Variants in SYN2 observed in about 807,000 individuals in gnomAD.
The protein encoded by SYN2 is synapsin-2.
Under a neutral mutation model 50.9 loss-of-function variants are expected in SYN2, and 19 were observed. That is an observed-to-expected ratio of 0.37 (90% confidence interval 0.26 to 0.55). SYN2 has a LOEUF of 0.55. Among genes scored for constraint, SYN2 ranks in the 20% least tolerant of loss-of-function variants. SYN2 has a pLI of 0.81. For synonymous variants in SYN2, 255 were observed against 224.9 expected, an observed-to-expected ratio of 1.13 and a Z score of -1.20; for missense variants, 587 against 576.4, an observed-to-expected ratio of 1.02 and a Z score of -0.19.
chr3:12,096,691 AGAGT>A (rs1309115165), intron 1 of SYN2, among the ~76,000 whole-genome samples: 10 of 152,136 alleles, frequency 6.6e-5, no homozygotes, highest in African/African-American at 2.4e-4. Flanking sequence ...ATAAGGAGAG[AGAGT>A]GAATGAGAAT....
Position 12,168,359 on chromosome 3 carries a change from C to T in SYN2, c.1056-17C>T. On this transcript the variant is annotated splice_polypyrimidine_tract_variant and intron_variant, in intron 8 of 12. Coordinates refer to ENST00000621198, the MANE Select transcript of SYN2 (RefSeq NM_133625.6). ...GCGAATTGCCCCAGCTTCAGGACAC[C>T]TTCCCATCACCTCCAGGTACAAACT... 6.2e-6 allele frequency: 10 copies of T among 1,609,434 alleles called. No individual in the cohort carries two copies. The highest frequency in any genetic ancestry group is 8.5e-6 in the Non-Finnish European group (10 of 1,177,336).
chr3:12,153,765 A>G lies in SYN2; in HGVS notation c.774+2439A>G, dbSNP rs1318285505. ...GTGAGTAGGGTGTCCTTCTTTTTCC[A>G]TTGCTGCCTTTCAGATTCCTACGTA... On this transcript the variant is annotated intron_variant, in intron 5 of 12. Coordinates refer to ENST00000621198, the MANE Select transcript of SYN2 (RefSeq NM_133625.6). The G allele has an allele frequency of 5.0e-6, 8 of 1,592,822 alleles. No individual in the cohort carries two copies. In the Admixed American group the frequency reaches 1.0e-4, roughly 20 times the overall value.
chr3:12,108,466 A>G (rs1346602663), intron 1 of SYN2, among the ~76,000 whole-genome samples: 9 of 152,202 alleles, frequency 5.9e-5, no homozygotes, highest in African/African-American at 2.2e-4. Flanking sequence ...TTTTTGTAGA[A>G]GGTGGCTGTA....
intron 1 of SYN2, among the ~76,000 whole-genome samples, chr3:12,018,139 G>C (rs1195558480): frequency 1.3e-5 from 2 of 152,186 alleles, no homozygotes; most frequent in Admixed American, 6.5e-5. Context: ...CTAGAACCCA[G>C]ATTTGTGGGT....
chr3:12,053,237 A>T (rs527720183), intron 1 of SYN2, among the ~76,000 whole-genome samples: 1 of 151,624 alleles, frequency 6.6e-6, no homozygotes, highest in Non-Finnish European at 1.5e-5. Flanking sequence ...CCTCACCAAC[A>T]TGGTGAAACC....
chr3:12,173,243 A>T (rs114163828), intron 10 of SYN2, among the ~76,000 whole-genome samples: 205 of 152,314 alleles, frequency 1.3e-3, no homozygotes, highest in Non-Finnish European at 2.2e-3. Flanking sequence ...TACTGGTCAT[A>T]TTCCCACCTC....
At chr3:12,113,470 A>G (rs1332321125) in intron 1 of SYN2, among the ~76,000 whole-genome samples, 1 of 152,190 alleles carries the variant, frequency 6.6e-6, no homozygotes, top group Non-Finnish European at 1.5e-5. Flanking sequence ...TTCACAAAAT[A>G]TAAGATTCAT....
intron 1 of SYN2, among the ~76,000 whole-genome samples, chr3:12,058,652 G>A (rs1473837651): frequency 2.0e-5 from 3 of 152,184 alleles, no homozygotes; most frequent in African/African-American, 7.2e-5. Flanking sequence ...AAGCAGTGCT[G>A]GAACAGGGGG....
chr3:12,133,959 G>C (rs1696840849), intron 1 of SYN2, among the ~76,000 whole-genome samples: 1 of 152,200 alleles, frequency 6.6e-6, no homozygotes, highest in South Asian at 2.1e-4. Context: ...AGAGGGGAAT[G>C]GGCACTTATT....
At chr3:12,008,897 A>G (rs2618385) in intron 1 of SYN2, among the ~76,000 whole-genome samples, 29,451 of 152,150 alleles carry the variant, frequency 0.19, 5,432 homozygotes, top group African/African-American at 0.49. Flanking sequence ...GAGGGGGACA[A>G]CGAAGAGACT....
chr3:12,047,889 T>A (rs1182378860), intron 1 of SYN2, among the ~76,000 whole-genome samples: 2 of 152,248 alleles, frequency 1.3e-5, no homozygotes, highest in Non-Finnish European at 1.5e-5. Context: ...TGTTTTTTGC[T>A]GTAAACCATT....
intron 7 of SYN2, among the ~76,000 whole-genome samples, chr3:12,162,991 A>G (rs1697690367): frequency 6.6e-6 from 1 of 152,208 alleles, no homozygotes; most frequent in African/African-American, 2.4e-5. Flanking sequence ...CTGTAATCCC[A>G]GCACTTTGGG....
intron 1 of SYN2, among the ~76,000 whole-genome samples, chr3:12,074,510 A>G (rs1211510305): frequency 1.3e-5 from 2 of 152,168 alleles, no homozygotes; most frequent in Admixed American, 6.5e-5. Flanking sequence ...TTAAAGTTGC[A>G]GTTGACTTAA....
At chr3:12,145,906 G>T in intron 4 of SYN2, 71 bp downstream of exon 4, 1 of 1,590,228 alleles carries the variant, frequency 6.3e-7, no homozygotes, top group South Asian at 1.1e-5. Context: ...TCCCTAGCAG[G>T]GACTCAAGAT....
At chr3:12,079,276 C>T (rs1266932243) in intron 1 of SYN2, among the ~76,000 whole-genome samples, 9 of 152,076 alleles carry the variant, frequency 5.9e-5, no homozygotes, top group Non-Finnish European at 1.0e-4. Flanking sequence ...CCTCTCTTCC[C>T]GTTTGAATAT....
rs1052939183 is a variant in SYN2, at chr3:12,149,884, G to A, written c.685-1353G>A. 2.0e-5 allele frequency among the ~76,000 whole-genome samples: 3 copies of A among 152,230 alleles called. No homozygotes were observed. The East Asian group carries it at 5.8e-4, about 29-fold the overall frequency. On this transcript the variant is annotated intron_variant, in intron 4 of 12. Coordinates refer to ENST00000621198, the MANE Select transcript of SYN2 (RefSeq NM_133625.6). ...AGTTTGGGAGGAAATATAATAAAGA[G>A]ATATTCTTTATGGTACAAAGTTTGA...
intron 10 of SYN2, 90 bp downstream of exon 10, chr3:12,169,996 C>T: frequency 6.9e-7 from 1 of 1,444,510 alleles, no homozygotes; most frequent in Non-Finnish European, 9.2e-7. Flanking sequence ...GGAGTACAGG[C>T]CAGATGCCCA....
chr3:12,065,179 A>G (rs576547659), intron 1 of SYN2, among the ~76,000 whole-genome samples: 2 of 152,190 alleles, frequency 1.3e-5, no homozygotes, highest in East Asian at 3.8e-4. Context: ...CAGAATGGCT[A>G]TTAAGAAAAG....
At chr3:12,098,213 G>A (rs1695985375) in intron 1 of SYN2, among the ~76,000 whole-genome samples, 1 of 152,102 alleles carries the variant, frequency 6.6e-6, no homozygotes, top group Non-Finnish European at 1.5e-5. Context: ...GAGACCAGAG[G>A]CAGTGGGATG....
Sources: allele counts gnomAD v4.1 joint callset (sites outside exome capture counted in the v4.1 genomes callset), GRCh38; gene constraint gnomAD v4.1.1; transcripts MANE v1.5; gene names NCBI Gene and HGNC (gene_info 2026-07-23, HGNC 2026-07-21).